Variants in ZNF578 observed in about 807,000 individuals in gnomAD.
ZNF578 encodes the protein Putative chemokine-related protein B42.
In ZNF578, 8 loss-of-function variants were observed where a neutral mutation model predicts 8.3. The observed-to-expected ratio is 0.96, with a 90% confidence interval of 0.56 to 1.74. The LOEUF is 1.74. Ranked by LOEUF, ZNF578 falls within the 40% of genes most tolerant of loss-of-function variation. The probability of loss-of-function intolerance (pLI) is 0.00; values close to 1 mark genes in which losing one functional copy is unlikely to be tolerated. For missense variants in ZNF578, 726 were observed against 707.5 expected (o/e 1.03, Z -0.30); for synonymous variants, 206 against 232.2 (o/e 0.89, Z 1.03).
At chr19:52,477,214 C>T (rs1470368721) in intron 2 of ZNF578, among the ~76,000 whole-genome samples, 1 of 152,170 alleles carries the variant, frequency 6.6e-6, no homozygotes, top group Non-Finnish European at 1.5e-5. Flanking sequence ...GGTTTGTCTC[C>T]TCCAACTAAT....
At chr19:52,472,464 C>A (rs1372345853) in intron 2 of ZNF578, among the ~76,000 whole-genome samples, 1 of 152,186 alleles carries the variant, frequency 6.6e-6, no homozygotes, top group Non-Finnish European at 1.5e-5. Flanking sequence ...TATAACTGTT[C>A]TCTCTTCCAT....
At chr19:52,466,609 G>A (rs535600874) in intron 2 of ZNF578, among the ~76,000 whole-genome samples, 1 of 152,198 alleles carries the variant, frequency 6.6e-6, no homozygotes, top group East Asian at 1.9e-4. Context: ...TTCCATACAT[G>A]CTGAAATGGA....
At chr19:52,463,725 ATCT>A (rs1404526985) in intron 2 of ZNF578, among the ~76,000 whole-genome samples, 4 of 152,242 alleles carry the variant, frequency 2.6e-5, no homozygotes, top group African/African-American at 9.6e-5. Context: ...GCTGATTAAA[ATCT>A]TCTAATACTG....
At chr19:52,485,356 A>T (rs1226439208) in intron 2 of ZNF578, among the ~76,000 whole-genome samples, 1 of 152,210 alleles carries the variant, frequency 6.6e-6, no homozygotes, top group Non-Finnish European at 1.5e-5. Flanking sequence ...TTTTGCAAAT[A>T]GAGCTTTTGT....
At chr19:52,484,981 A>C (rs1436240920) in intron 2 of ZNF578, among the ~76,000 whole-genome samples, 1 of 145,112 alleles carries the variant, frequency 6.9e-6, no homozygotes, top group Non-Finnish European at 1.5e-5. Flanking sequence ...ACCACCAAAC[A>C]GACTTTGTGT....
chr19:52,500,829 G>C (rs992831729), intron 3 of ZNF578, among the ~76,000 whole-genome samples: 2 of 151,090 alleles, frequency 1.3e-5, no homozygotes, highest in African/African-American at 4.9e-5. Context: ...AGTGATTTTG[G>C]GCCCCAAGAT....
intron 4 of ZNF578, among the ~76,000 whole-genome samples, chr19:52,503,228 T>G (rs2059413641): frequency 6.6e-6 from 1 of 152,214 alleles, no homozygotes; most frequent in Non-Finnish European, 1.5e-5. Context: ...TTGTCCAGGC[T>G]GGAGTGCAGT....
chr19:52,512,213 A>G lies in ZNF578; in HGVS notation c.*59A>G. On this transcript the variant is annotated 3_prime_UTR_variant, in exon 6 of 6. Transcript: ENST00000421239. ...AGCATGTGACAAAGTTTTCAGTCACAGATCACGCCTTAAAAGACATAGGAG... is the reference window on the plus strand; with the variant it reads ...AGCATGTGACAAAGTTTTCAGTCACGGATCACGCCTTAAAAGACATAGGAG... 6.2e-7 allele frequency: 1 copy of G among 1,607,616 alleles called. No homozygotes were observed. Among genetic ancestry groups the G allele is most frequent in the East Asian group, 2.2e-5 (1 of 44,786 alleles).
intron 3 of ZNF578, among the ~76,000 whole-genome samples, chr19:52,498,875 G>A (rs1192427900): frequency 1.3e-5 from 2 of 151,916 alleles, no homozygotes; most frequent in Non-Finnish European, 1.5e-5. Context: ...TTAGAGATGG[G>A]GTTTACTATG....
intron 2 of ZNF578, among the ~76,000 whole-genome samples, chr19:52,490,055 C>T (rs1226053014): frequency 6.6e-6 from 1 of 152,162 alleles, no homozygotes; most frequent in Non-Finnish European, 1.5e-5. Context: ...ACATTCAGAC[C>T]AGGGAGCCTG....
At position 52,472,447 on chromosome 19, in the gene ZNF578, A is replaced by C. The variant is rs373471046; in HGVS notation, c.-122+15489A>C. ...ATTGGCAGTTTTCATTAAACTCTCT[A>C]CTCTGATATAACTGTTCTCTCTTCC... On this transcript the variant is annotated intron_variant, in intron 2 of 5. Transcript: ENST00000421239. 9.9e-5 allele frequency among the ~76,000 whole-genome samples: 15 copies of C among 152,226 alleles called. No individual in the cohort carries two copies. In the East Asian group the frequency reaches 2.1e-3, roughly 22 times the overall value.
chr19:52,491,626 A>G (rs2059365160), intron 3 of ZNF578, among the ~76,000 whole-genome samples: 1 of 151,994 alleles, frequency 6.6e-6, no homozygotes, highest in Admixed American at 6.6e-5. Flanking sequence ...GAGGCAGAAG[A>G]ATAGCTTCCA....
At position 52,503,576 on chromosome 19, in the gene ZNF578, C is replaced by T. The variant is rs547131699; in HGVS notation, c.64-1079C>T. Among the ~76,000 whole-genome samples the T allele has an allele frequency of 3.3e-5, 5 of 152,252 alleles. No homozygotes were observed. The East Asian group carries it at 9.7e-4, about 29-fold the overall frequency. On this transcript the variant is annotated intron_variant, in intron 4 of 5. Coordinates refer to ENST00000421239, the MANE Select transcript of ZNF578 (RefSeq NM_001099694.2). ...TCCCAGGCTGGTCTTGAATTCCTGACCTCGTGATCCACTCACCTCGGTCTC... is the reference window on the plus strand; with the variant it reads ...TCCCAGGCTGGTCTTGAATTCCTGATCTCGTGATCCACTCACCTCGGTCTC...
rs147957243 is a variant in ZNF578, at chr19:52,485,771, T to C, written c.-121-5553T>C. 4.7e-4 allele frequency among the ~76,000 whole-genome samples: 71 copies of C among 152,282 alleles called. 1 individual carries two copies. In the East Asian group the frequency reaches 0.013, roughly 28 times the overall value. ...GTTAAGCAAATGCTTGAAGGCAGTA[T>C]GCTTGTTAAAAGTCATCACCACTCC... On this transcript the variant is annotated intron_variant, in intron 2 of 5. Transcript: ENST00000421239.
At chr19:52,505,188 A>T (rs1270275508) in intron 5 of ZNF578, among the ~76,000 whole-genome samples, 1 of 151,022 alleles carries the variant, frequency 6.6e-6, no homozygotes, top group Non-Finnish European at 1.5e-5. Context: ...TGCCCAGCTC[A>T]TTCTGGTTTT....
chr19:52,470,062 TG>T, intron 2 of ZNF578, among the ~76,000 whole-genome samples: 1 of 152,282 alleles, frequency 6.6e-6, no homozygotes, highest in South Asian at 2.1e-4. Flanking sequence ...TCTTAAACCC[TG>T]ATGAGCCCTT....
chr19:52,486,740 GAATTTAAC>G (rs372921109), intron 2 of ZNF578, among the ~76,000 whole-genome samples: 7,446 of 151,842 alleles, frequency 0.049, 200 homozygotes, highest in Middle Eastern at 0.14. Flanking sequence ...AGGGAAGAGA[GAATTTAAC>G]AGGGAGAACA....
chr19:52,498,214 T>A (rs1423472369), intron 3 of ZNF578, among the ~76,000 whole-genome samples: 1 of 152,142 alleles, frequency 6.6e-6, no homozygotes, highest in African/African-American at 2.4e-5. Flanking sequence ...TGGAGTGCAG[T>A]GACATGATCT....
chr19:52,507,678 C>T (rs1293084509), intron 5 of ZNF578, among the ~76,000 whole-genome samples: 1 of 152,184 alleles, frequency 6.6e-6, no homozygotes, highest in African/African-American at 2.4e-5. Flanking sequence ...CGTGGTTTAG[C>T]CCAGCCGTCT....
Sources: allele counts gnomAD v4.1 joint callset (sites outside exome capture counted in the v4.1 genomes callset), GRCh38; gene constraint gnomAD v4.1.1; transcripts MANE v1.5; gene names NCBI Gene and HGNC (gene_info 2026-07-23, HGNC 2026-07-21).